SUDS3: variants seen among roughly 807,000 people sequenced by gnomAD.
SUDS3 encodes the protein SIN3A corepressor complex component SDS3, also known as sin3 histone deacetylase corepressor complex component SDS3.
In SUDS3, 23 loss-of-function variants were observed where a neutral mutation model predicts 53.5. The ratio of observed to expected loss-of-function variants is 0.43; its 90% CI spans 0.31 to 0.61. The LOEUF is 0.61. Among genes scored for constraint, SUDS3 ranks in the 20% least tolerant of loss-of-function variants. The pLI is 0.10. For missense variants in SUDS3, 291 were observed against 405.9 expected (o/e 0.72, Z 2.43); for synonymous variants, 150 against 148.5 (o/e 1.01, Z -0.08).
At chr12:118,398,823 T>C (rs551928133) in intron 6 of SUDS3, among the ~76,000 whole-genome samples, 43 of 152,188 alleles carry the variant, frequency 2.8e-4, no homozygotes, top group African/African-American at 9.9e-4. Context: ...TGCCAGACTA[T>C]TGCTAGGTGT....
rs188460397 is a variant in SUDS3, at chr12:118,390,840, C to T, written c.361-286C>T. On this transcript the variant is annotated intron_variant, in intron 5 of 11. Coordinates refer to ENST00000543473, the MANE Select transcript of SUDS3 (RefSeq NM_022491.3). ...TCCTTTGAAGCTGTAACTTTATGAG[C>T]GATTATTTACTACCTTTGAGAAATG... is the stretch of plus-strand genomic sequence containing the variant. 2.0e-3 allele frequency among the ~76,000 whole-genome samples: 311 copies of T among 152,060 alleles called. 3 individuals are homozygous for T. The highest frequency in any genetic ancestry group is 3.3e-3 in the Non-Finnish European group (223 of 68,006).
Position 118,416,520 on chromosome 12 carries a change from G to GC in SUDS3, c.*2089dup, listed in dbSNP as rs1208915067. 6.6e-6 allele frequency: 1 copy of GC among 152,160 alleles called. No individual in the cohort carries two copies. Among genetic ancestry groups the GC allele is most frequent in the Non-Finnish European group, 1.5e-5 (1 of 68,044 alleles). The allele number at this position is 152,160 out of a possible 1,614,324, so 9.4% of individuals were successfully genotyped here. On this transcript the variant is annotated 3_prime_UTR_variant, in exon 12 of 12. Coordinates refer to ENST00000543473, the MANE Select transcript of SUDS3 (RefSeq NM_022491.3). The stretch of plus-strand genomic sequence containing the variant: ...TAGTCATAGTCTCGACTCCGCCATT[G>GC]CCTTCTCCTCGGCGTCCTCACAACT...
At chr12:118,395,177 C>T (rs2046202503) in intron 6 of SUDS3, among the ~76,000 whole-genome samples, 1 of 143,532 alleles carries the variant, frequency 7.0e-6, no homozygotes, top group Admixed American at 6.9e-5. Flanking sequence ...GGCCTTTCCT[C>T]AAGATGTTCT....
chr12:118,409,495 A>G (rs191933222), intron 10 of SUDS3, among the ~76,000 whole-genome samples: 2 of 152,262 alleles, frequency 1.3e-5, no homozygotes, highest in East Asian at 3.9e-4. Context: ...TTGACTTGGA[A>G]ACCTGAGTTT....
chr12:118,382,187 G>A (rs983237695), intron 2 of SUDS3, among the ~76,000 whole-genome samples: 1 of 151,998 alleles, frequency 6.6e-6, no homozygotes, highest in Non-Finnish European at 1.5e-5. Flanking sequence ...CTACAGGCAT[G>A]CGCCACTACG....
chr12:118,409,287 C>T (rs2046336951), intron 10 of SUDS3, among the ~76,000 whole-genome samples: 1 of 152,018 alleles, frequency 6.6e-6, no homozygotes, highest in East Asian at 1.9e-4. Flanking sequence ...GCTGGGATTA[C>T]AGGAGCCTGC....
At chr12:118,402,258 T>C (rs934939602) in intron 9 of SUDS3, 17 of 539,098 alleles carry the variant, frequency 3.2e-5, no homozygotes, top group Non-Finnish European at 4.9e-5. Context: ...GATTGATTGA[T>C]TGATTTCCTT....
chr12:118,406,360 A>C (rs2046308361), intron 10 of SUDS3, among the ~76,000 whole-genome samples: 1 of 152,206 alleles, frequency 6.6e-6, no homozygotes, highest in East Asian at 1.9e-4. Flanking sequence ...GAGGTTCTGT[A>C]GCTATAACGT....
At chr12:118,383,948 A>C (rs1373562296) in intron 2 of SUDS3, 64 bp from the exon 3 acceptor site, 3 of 1,433,032 alleles carry the variant, frequency 2.1e-6, no homozygotes, top group African/African-American at 2.8e-5. Flanking sequence ...TTCTGTGAGT[A>C]GGTTATTTTG....
chr12:118,395,960 A>G (rs1319967761), intron 6 of SUDS3, among the ~76,000 whole-genome samples: 2 of 152,050 alleles, frequency 1.3e-5, no homozygotes, highest in African/African-American at 2.4e-5. Context: ...GATTACAGAC[A>G]TGAACCACCG....
rs770430497 is a variant in SUDS3 at position 118,391,186 on chromosome 12, G to A, written c.421G>A (p.Asp141Asn). 101 of 1,613,666 alleles carry A rather than the reference G, an allele frequency of 6.3e-5. No individual in the cohort carries two copies. The highest frequency in any genetic ancestry group is 8.2e-5 in the Non-Finnish European group (97 of 1,179,870). Residue 141 changes from aspartate to asparagine, a missense_variant, in exon 6 of 12, where the codon GAC becomes AAC. Physicochemically the swap from Asp to Asn is conservative, Grantham distance 23. This residue lies in a region of SUDS3 where 55 missense variants were observed against 124.2 expected (regional missense o/e 0.44). Transcript: ENST00000543473. ...EKKAAVKEFE[D>N]KKVELKENLI... is the part of the protein sequence containing the mutation. ...GAAGGCAGCAGTGAAAGAATTTGAA[G>A]ACAAGAAGGTTGAGCTGAAAGAGAA...
At chr12:118,407,362 C>G (rs2046317326) in intron 10 of SUDS3, among the ~76,000 whole-genome samples, 1 of 152,144 alleles carries the variant, frequency 6.6e-6, no homozygotes, top group Non-Finnish European at 1.5e-5. Flanking sequence ...TGGAAGTTGG[C>G]TGCTTTGGGA....
At chr12:118,386,076 A>T (rs1384572798) in intron 3 of SUDS3, 38 bp from the exon 4 acceptor site, 2 of 1,477,166 alleles carry the variant, frequency 1.4e-6, no homozygotes, top group African/African-American at 2.8e-5. Flanking sequence ...GCAGATTTAT[A>T]TTCACAATAA....
intron 6 of SUDS3, among the ~76,000 whole-genome samples, chr12:118,395,949 G>C (rs959678775): frequency 6.6e-6 from 1 of 151,966 alleles, no homozygotes; most frequent in Admixed American, 6.6e-5. Context: ...CAAAGTGCTG[G>C]GATTACAGAC....
intron 10 of SUDS3, among the ~76,000 whole-genome samples, chr12:118,405,880 T>G (rs1490950170): frequency 6.6e-6 from 1 of 152,206 alleles, no homozygotes; most frequent in African/African-American, 2.4e-5. Context: ...GCTACATTGC[T>G]TTATGCTCTT....
intron 3 of SUDS3, 43 bp downstream of exon 3, chr12:118,384,110 A>G: frequency 6.3e-7 from 1 of 1,580,582 alleles, no homozygotes; most frequent in Non-Finnish European, 8.7e-7. Context: ...TATGCTTCTT[A>G]ATATTACAAA....
At chr12:118,403,390 C>T (rs369496220) in intron 9 of SUDS3, 22 bp from the exon 10 acceptor site, 18 of 1,587,200 alleles carry the variant, frequency 1.1e-5, no homozygotes, top group African/African-American at 2.7e-5. Context: ...TTCTTAGTCA[C>T]GTAAGTATTG....
intron 6 of SUDS3, among the ~76,000 whole-genome samples, chr12:118,397,546 A>C (rs1329583808): frequency 6.6e-6 from 1 of 152,124 alleles, no homozygotes; most frequent in Non-Finnish European, 1.5e-5. Flanking sequence ...ATGGCCTCAA[A>C]TCATGTTTTC....
At chr12:118,401,227 T>C (rs2046260039) in intron 7 of SUDS3, among the ~76,000 whole-genome samples, 2 of 152,224 alleles carry the variant, frequency 1.3e-5, no homozygotes, top group Non-Finnish European at 2.9e-5. Context: ...AGCCCTTTAA[T>C]CATAAAAATG....
Sources: gnomAD v4.1 joint callset for allele counts (sites outside exome capture counted in the v4.1 genomes callset) on GRCh38, gnomAD v4.1.1 for gene constraint, gnomAD v4.1.1 regional missense constraint, MANE v1.5 for transcripts, NCBI Gene and HGNC (gene_info 2026-07-23, HGNC 2026-07-21) for gene names.